TENM3: variants seen among roughly 807,000 people sequenced by gnomAD.
The protein encoded by TENM3 is teneurin transmembrane protein 3, also known as teneurin-3.
TENM3 carries 63 observed loss-of-function variants against 255.1 expected under a neutral mutation model. The observed-to-expected ratio is 0.25, with a 90% CI of 0.20 to 0.30. TENM3 has a LOEUF of 0.30. TENM3 is among the 10% of genes least tolerant of loss of function. The pLI is 1.00. For missense variants in TENM3, 2,929 were observed against 3,461.1 expected (o/e 0.85, Z 3.86); for synonymous variants, 1,306 against 1,322.3 (o/e 0.99, Z 0.27).
rs1270498452 is a variant in TENM3 at position 182,413,037 on chromosome 4, TTA to T, written c.511+66109_511+66110del. Among the ~76,000 whole-genome samples the T allele has an allele frequency of 1.6e-4, 25 of 152,028 alleles. 1 individual carries two copies. On this transcript the variant is annotated intron_variant, in intron 3 of 27. Transcript: ENST00000511685. ...AATTATGTTGACCTGACAAGTAGTG[TTA>T]AGGAATTCCACCTTATACACCTTAT...
the TENM3 span, among the ~76,000 whole-genome samples, chr4:181,727,851 T>G: frequency 2.0e-5 from 3 of 152,188 alleles, no homozygotes. Context: ...ATCAACTGAC[T>G]CTCCGATTTG....
At chr4:182,151,967 T>A (rs1015645832) in intron 1 of TENM3, among the ~76,000 whole-genome samples, 1 of 152,024 alleles carries the variant, frequency 6.6e-6, no homozygotes, top group Non-Finnish European at 1.5e-5. Context: ...TAAGGCACTC[T>A]TAAAAGGATA....
chr4:181,607,226 C>T, the TENM3 span, among the ~76,000 whole-genome samples: 1 of 152,128 alleles, frequency 6.6e-6, no homozygotes, highest in African/African-American at 2.4e-5. Context: ...AGCCACTCTT[C>T]CCTTGGAGCA....
At chr4:182,613,092 T>A (rs1196341877) in intron 4 of TENM3, among the ~76,000 whole-genome samples, 1 of 152,224 alleles carries the variant, frequency 6.6e-6, no homozygotes, top group Non-Finnish European at 1.5e-5. Flanking sequence ...TGAACAATTC[T>A]AAGCATAGAT....
chr4:181,564,937 A>C, the TENM3 span, among the ~76,000 whole-genome samples: 14 of 152,286 alleles, frequency 9.2e-5, no homozygotes, highest in African/African-American at 3.1e-4. Context: ...CTCTCATTGA[A>C]GGAGCCAGCA....
the TENM3 span, among the ~76,000 whole-genome samples, chr4:181,586,875 CAAA>C: frequency 6.8e-6 from 1 of 147,104 alleles, no homozygotes; most frequent in Non-Finnish European, 1.5e-5. Flanking sequence ...AACAAACAAA[CAAA>C]AACAAAAGAA....
chr4:182,684,345 G>T (rs1480262165), intron 11 of TENM3, among the ~76,000 whole-genome samples: 1 of 143,056 alleles, frequency 7.0e-6, no homozygotes. Flanking sequence ...CACACTGATT[G>T]CCCCCTTCTC....
the TENM3 span, among the ~76,000 whole-genome samples, chr4:181,754,024 G>C: frequency 3.9e-5 from 6 of 152,086 alleles, no homozygotes; most frequent in Non-Finnish European, 8.8e-5. Context: ...AGATTGACAA[G>C]TATGTTTTTT....
upstream of TENM3, among the ~76,000 whole-genome samples, chr4:182,239,100 G>T (rs866518339): frequency 1.4e-5 from 2 of 145,668 alleles, no homozygotes; most frequent in Non-Finnish European, 3.0e-5. Flanking sequence ...TTTTTGAGAC[G>T]GCGTCTCGCT....
Position 182,799,828 on chromosome 4 carries a change from C to T in TENM3, c.7577C>T (p.Ala2526Val). 1 of 1,609,942 alleles carries T rather than the reference C, an allele frequency of 6.2e-7. No individual in the cohort carries two copies. Among genetic ancestry groups the T allele is most frequent in the Non-Finnish European group, 8.5e-7 (1 of 1,178,430 alleles). ...AACGAGGACTGCATCAAGGTGGCGG[C>T]CGTGCTCAACAACGCCTTCTACCTG... Reference protein sequence around the residue: ...IANEDCIKVAAVLNNAFYLEN... With the variant: ...IANEDCIKVAVVLNNAFYLEN... Residue 2526 changes from alanine to valine, a missense_variant, in exon 28 of 28, where the codon GCC becomes GTC. Ala to Val is a moderately conservative substitution (Grantham distance 64, BLOSUM62 0). Coordinates refer to ENST00000511685, the MANE Select transcript of TENM3 (RefSeq NM_001080477.4). This position sits in a 1 kb window ranked among gnomAD's most constrained non-coding sequence, Gnocchi z 4.2.
chr4:182,205,849 G>A lies in TENM3; in HGVS notation c.-76+61095G>A, dbSNP rs545033495. 7.2e-5 allele frequency among the ~76,000 whole-genome samples: 11 copies of A among 152,226 alleles called. No individual in the cohort carries two copies. The East Asian group carries it at 1.5e-3, about 21-fold the overall frequency. On this transcript the variant is annotated intron_variant, in intron 1 of 2. Transcript: ENST00000512480. ...CACATCTGATGAGGAAGCTGCCTTC[G>A]TACACGCAGGCAAAGTGCATTCGAC...
intron 1 of TENM3, among the ~76,000 whole-genome samples, chr4:182,243,990 G>T (rs1412584062): frequency 8.7e-6 from 1 of 115,488 alleles, no homozygotes; most frequent in Non-Finnish European, 1.6e-5. Context: ...ATCTCGCTCT[G>T]TCGCCCAGGC....
the TENM3 span, among the ~76,000 whole-genome samples, chr4:181,473,407 G>C: frequency 6.6e-6 from 1 of 151,924 alleles, no homozygotes; most frequent in Non-Finnish European, 1.5e-5. Flanking sequence ...GGACAGCATA[G>C]GGAGAACCCA....
At chr4:181,859,080 C>A in the TENM3 span, among the ~76,000 whole-genome samples, 1 of 151,666 alleles carries the variant, frequency 6.6e-6, no homozygotes, top group Non-Finnish European at 1.5e-5. Flanking sequence ...AATAATTTTA[C>A]ATATATGTCA....
intron 5 of TENM3, among the ~76,000 whole-genome samples, chr4:182,643,863 G>GT (rs1331225152): frequency 1.3e-5 from 2 of 152,186 alleles, no homozygotes; most frequent in Non-Finnish European, 2.9e-5. Flanking sequence ...AAGTTTTGAG[G>GT]TTTGGGAGAC....
chr4:182,312,964 G>A (rs1250695183), intron 1 of TENM3, among the ~76,000 whole-genome samples: 1 of 152,066 alleles, frequency 6.6e-6, no homozygotes, highest in Non-Finnish European at 1.5e-5. Context: ...TATTACTAGT[G>A]TCTATTAAAT....
chr4:181,928,779 A>G, the TENM3 span, among the ~76,000 whole-genome samples: 1 of 152,170 alleles, frequency 6.6e-6, no homozygotes, highest in Non-Finnish European at 1.5e-5. Flanking sequence ...GCAGCCAGCG[A>G]GTAAGATCGG....
the TENM3 span, among the ~76,000 whole-genome samples, chr4:181,937,617 T>A: frequency 6.6e-6 from 1 of 152,196 alleles, no homozygotes; most frequent in Non-Finnish European, 1.5e-5. Flanking sequence ...TTTGCTAACT[T>A]CTTCCTTCTA....
In TENM3 at chr4:182,628,812, A is replaced by T. The variant is rs200549164; in HGVS notation, c.911A>T (p.Tyr304Phe). ...SAFKFKKSSK[Y>F]CSWKCTALCA... The stretch of plus-strand genomic sequence containing the variant: ...TTTAAATTCAAGAAGTCTTCAAAGT[A>T]CTGTAGCTGGAAATGCACTGCACTG... The change falls in exon 5 of 28, where the codon TAC (tyrosine) becomes TTC (phenylalanine). Residue 304 changes from tyrosine to phenylalanine, a missense_variant. Tyr to Phe is a conservative substitution (Grantham distance 22). Coordinates refer to ENST00000511685, the MANE Select transcript of TENM3 (RefSeq NM_001080477.4). The T allele has an allele frequency of 7.4e-6, 12 of 1,610,974 alleles. No homozygotes were observed. The highest frequency in any genetic ancestry group is 1.7e-4 in the Middle Eastern group (1 of 6,056).
Sources: allele counts gnomAD v4.1 joint callset (sites outside exome capture counted in the v4.1 genomes callset), GRCh38; gene constraint gnomAD v4.1.1; non-coding constraint Gnocchi (gnomAD v3.1); transcripts MANE v1.5; gene names NCBI Gene and HGNC (gene_info 2026-07-23, HGNC 2026-07-21).